SKAP2: variants seen among roughly 807,000 people sequenced by gnomAD.
SKAP2 encodes the protein src kinase associated phosphoprotein 2.
Under a neutral mutation model 54.9 loss-of-function variants are expected in SKAP2, and 28 were observed. The observed-to-expected ratio is 0.51, with a 90% CI of 0.38 to 0.70. The LOEUF is 0.70. SKAP2 is among the 30% of genes least tolerant of loss of function. SKAP2 has a pLI of 0.00. For synonymous variants in SKAP2, 137 were observed against 134.3 expected, an observed-to-expected ratio of 1.02 and a Z score of -0.14; for missense variants, 356 against 424.1, an observed-to-expected ratio of 0.84 and a Z score of 1.41.
chr7:26,726,748 A>G (rs970572912), intron 7 of SKAP2, 134 bp downstream of exon 7: 7 of 712,080 alleles, frequency 9.8e-6, no homozygotes, highest in Non-Finnish European at 1.3e-5. Flanking sequence ...TGTTCAATGC[A>G]TAATATATTT....
At chr7:26,861,491 CA>C (rs1458713756) in intron 1 of SKAP2, among the ~76,000 whole-genome samples, 7 of 151,944 alleles carry the variant, frequency 4.6e-5, no homozygotes, top group Non-Finnish European at 8.8e-5. Context: ...GAATAATCAA[CA>C]TTTTATAAAA....
intron 4 of SKAP2, among the ~76,000 whole-genome samples, chr7:26,768,360 T>C (rs1783111044): frequency 6.6e-6 from 1 of 152,024 alleles, no homozygotes. Context: ...TGTCTTTACA[T>C]GTGAGATGAG....
chr7:26,789,811 C>T (rs774552249), intron 4 of SKAP2, among the ~76,000 whole-genome samples: 1 of 152,148 alleles, frequency 6.6e-6, no homozygotes, highest in Non-Finnish European at 1.5e-5. Context: ...GGAATCTCCT[C>T]AGCTATAAAT....
rs1784158677 is a variant in SKAP2 at position 26,812,075 on chromosome 7, G to GTTTAA, written c.307+31954_307+31955insTTAAA. On this transcript the variant is annotated intron_variant, in intron 4 of 12. Coordinates refer to ENST00000345317, the MANE Select transcript of SKAP2 (RefSeq NM_003930.5). ...TCCTAGGGCCCTGATTTGTTTTTAA[G>GTTTAA]GGAACTGTTTCAAAGATGTTAACCG... 2.0e-5 allele frequency among the ~76,000 whole-genome samples: 3 copies of GTTTAA among 152,214 alleles called. No homozygotes were observed. The Middle Eastern group carries it at 0.01, about 521-fold the overall frequency.
At chr7:26,665,354 C>G (rs149765357), downstream of SKAP2, among the ~76,000 whole-genome samples, 1 of 152,130 alleles carries the variant, frequency 6.6e-6, no homozygotes, top group South Asian at 2.1e-4. Context: ...TCTTATTATT[C>G]ACAATCTCAC....
rs561013612 is a variant in SKAP2 at position 26,777,372 on chromosome 7, C to CA, written c.308-37409dup. 2.6e-4 allele frequency among the ~76,000 whole-genome samples: 40 copies of CA among 151,456 alleles called. 1 individual carries two copies. The South Asian group carries it at 5.0e-3, about 19-fold the overall frequency. ...TCTCCCCTAAGAGAATAAATGGGGA[C>CA]AAAAAAGAGGAAATAAGATTTGCTT... On this transcript the variant is annotated intron_variant, in intron 4 of 12. Coordinates refer to ENST00000345317, the MANE Select transcript of SKAP2 (RefSeq NM_003930.5).
At chr7:26,799,532 C>G (rs149735429) in intron 4 of SKAP2, among the ~76,000 whole-genome samples, 1 of 151,966 alleles carries the variant, frequency 6.6e-6, no homozygotes, top group Non-Finnish European at 1.5e-5. Flanking sequence ...TATATATGCA[C>G]CCAACACTAG....
At chr7:26,834,391 T>G (rs578040892) in intron 4 of SKAP2, among the ~76,000 whole-genome samples, 2 of 152,068 alleles carry the variant, frequency 1.3e-5, no homozygotes, top group East Asian at 1.9e-4. Context: ...CTTCAAAAAA[T>G]CAATGAATTC....
intron 4 of SKAP2, among the ~76,000 whole-genome samples, chr7:26,744,978 T>C (rs1782530911): frequency 6.6e-6 from 1 of 152,210 alleles, no homozygotes; most frequent in South Asian, 2.1e-4. Context: ...TTATCATCAA[T>C]AATTCATCAT....
chr7:26,822,013 T>A (rs1784392255), intron 4 of SKAP2, among the ~76,000 whole-genome samples: 1 of 151,924 alleles, frequency 6.6e-6, no homozygotes, highest in African/African-American at 2.4e-5. Context: ...TAATAATTAT[T>A]AATGTAAGTA....
At chr7:26,785,513 T>C (rs1783526466) in intron 4 of SKAP2, among the ~76,000 whole-genome samples, 1 of 152,124 alleles carries the variant, frequency 6.6e-6, no homozygotes, top group Non-Finnish European at 1.5e-5. Context: ...AATACAACAC[T>C]CAAACCTTCC....
chr7:26,857,337 T>TAAAAAAAAAAAAAAAAAAAAAAAAAA (rs1785191413), intron 1 of SKAP2: 1 of 130,774 alleles, frequency 7.6e-6, no homozygotes, highest in Non-Finnish European at 1.1e-5. Context: ...AAAAAAAAAC[T>TAAAAAAAAAAAAAAAAAAAAAAAAAA]TTAAACTGGA....
chr7:26,841,683 T>A (rs3801814), intron 4 of SKAP2, among the ~76,000 whole-genome samples: 2 of 151,626 alleles, frequency 1.3e-5, no homozygotes, highest in Non-Finnish European at 2.9e-5. Flanking sequence ...TAGAGAAAAA[T>A]AAATATTAAA....
intron 10 of SKAP2, among the ~76,000 whole-genome samples, chr7:26,685,537 G>A (rs1204523449): frequency 6.6e-6 from 1 of 152,116 alleles, no homozygotes; most frequent in African/African-American, 2.4e-5. Context: ...GTCAGCCCCG[G>A]TTTAGGACAT....
chr7:26,725,375 C>A, intron 9 of SKAP2, 53 bp downstream of exon 9: 2 of 1,365,546 alleles, frequency 1.5e-6, no homozygotes, highest in Admixed American at 1.8e-5. Flanking sequence ...CACACACTCA[C>A]ACACACACAC....
At chr7:26,673,022 T>G (rs1431133000) in intron 11 of SKAP2, among the ~76,000 whole-genome samples, 5 of 152,086 alleles carry the variant, frequency 3.3e-5, no homozygotes, top group African/African-American at 4.8e-5. Context: ...ACTGATACAA[T>G]GTTGTTTTGC....
At chr7:26,724,969 A>G (rs537948648) in intron 9 of SKAP2, among the ~76,000 whole-genome samples, 1 of 152,234 alleles carries the variant, frequency 6.6e-6, no homozygotes, top group East Asian at 1.9e-4. Flanking sequence ...CCTCTGAGAC[A>G]GTGCAATATA....
intron 11 of SKAP2, among the ~76,000 whole-genome samples, chr7:26,677,366 T>C (rs1244013033): frequency 7.1e-6 from 1 of 141,342 alleles, no homozygotes; most frequent in African/African-American, 2.7e-5. Flanking sequence ...CACCCCAGCC[T>C]GGGTGACAGA....
intron 11 of SKAP2, among the ~76,000 whole-genome samples, chr7:26,680,755 G>A (rs1018990989): frequency 3.9e-5 from 6 of 152,216 alleles, no homozygotes; most frequent in African/African-American, 1.4e-4. Flanking sequence ...TTTATTATTA[G>A]TGAGGTTCAA....
Sources: allele counts gnomAD v4.1 joint callset (sites outside exome capture counted in the v4.1 genomes callset), GRCh38; gene constraint gnomAD v4.1.1; transcripts MANE v1.5; gene names NCBI Gene and HGNC (gene_info 2026-07-23, HGNC 2026-07-21).